ITPR2: variants seen among roughly 807,000 people sequenced by gnomAD.
ITPR2 encodes inositol 1,4,5-trisphosphate receptor type 2.
A neutral mutation model predicts 317.1 loss-of-function variants in ITPR2; 207 were observed. The ratio of observed to expected loss-of-function variants is 0.65; its 90% CI spans 0.58 to 0.73. The LOEUF is 0.73. Ranked by LOEUF, ITPR2 falls within the 30% of genes least tolerant of loss-of-function variation. ITPR2 has a pLI of 0.00. For missense variants in ITPR2, 2,613 were observed against 3,284.0 expected (o/e 0.80, Z 4.99); for synonymous variants, 1,156 against 1,149.1 (o/e 1.01, Z -0.12).
rs1396136112 is a variant in ITPR2, at chr12:26,415,366, G to C, written c.7243C>G (p.Leu2415Val). ...ATAGTGAAGTCATCCTTCAAAAAAA[G>C]GAACCCAATAATGGAAAACAGGTAG... ...LVYLFSIIGFLFLKDDFTMEV... is the reference protein window; with the variant it reads ...LVYLFSIIGFVFLKDDFTMEV... Residue 2415 changes from leucine (L) to valine (V), a missense_variant, in exon 51 of 57, where the codon CTT (leucine) becomes GTT (valine). Physicochemically the swap from Leu to Val is conservative, Grantham distance 32. Around this residue, in one of 9 missense-constraint regions of ITPR2, gnomAD observed 14 missense variants for 48.2 expected, o/e 0.29. Coordinates refer to ENST00000381340, the MANE Select transcript of ITPR2 (RefSeq NM_002223.4). The C allele has an allele frequency of 6.2e-7, 1 of 1,612,046 alleles. No homozygotes were observed. The highest frequency in any genetic ancestry group is 8.5e-7 in the Non-Finnish European group (1 of 1,179,008).
chr12:26,443,589 C>G lies in ITPR2; in HGVS notation c.6404G>C (p.Gly2135Ala). 2 of 1,613,132 alleles carry G rather than the reference C, an allele frequency of 1.2e-6. No individual in the cohort carries two copies. The highest frequency in any genetic ancestry group is 1.7e-5 in the Admixed American group (1 of 59,954). ...GGCATAATACTTTAAGGCTTCATCT[C>G]CTTCATCTGGATCCGATCCTGGTTT... is the stretch of plus-strand genomic sequence containing the variant. ...MLKPGSDPDEGDEALKYYANH... is the reference protein window; with the variant it reads ...MLKPGSDPDEADEALKYYANH... The change falls in exon 46 of 57, where the codon GGA becomes GCA. Residue 2135 changes from glycine (G) to alanine (A), a missense_variant. Gly to Ala is a moderately conservative substitution (Grantham distance 60, BLOSUM62 0). Transcript: ENST00000381340.
chr12:26,806,620 A>C (rs1361881614), intron 1 of ITPR2, among the ~76,000 whole-genome samples: 1 of 152,246 alleles, frequency 6.6e-6, no homozygotes, highest in African/African-American at 2.4e-5. Context: ...TTTCGTTACT[A>C]AACATGAAAA....
intron 36 of ITPR2, among the ~76,000 whole-genome samples, chr12:26,555,550 T>C (rs1018872969): frequency 2.0e-5 from 3 of 152,200 alleles, no homozygotes; most frequent in African/African-American, 7.2e-5. Flanking sequence ...TGCTTATCCT[T>C]GCACATCTCC....
intron 35 of ITPR2, among the ~76,000 whole-genome samples, chr12:26,558,651 T>C (rs1944730268): frequency 6.6e-6 from 1 of 152,218 alleles, no homozygotes; most frequent in Admixed American, 6.5e-5. Context: ...TATTTCTTCA[T>C]CAACTCTTGA....
intron 2 of ITPR2, among the ~76,000 whole-genome samples, chr12:26,782,640 A>G (rs1220659641): frequency 1.4e-5 from 2 of 146,668 alleles, no homozygotes; most frequent in Non-Finnish European, 3.1e-5. Context: ...GAGCTCAGCA[A>G]CTTTAAGATG....
intron 44 of ITPR2, 53 bp downstream of exon 44, chr12:26,476,858 AT>A (rs1391414602): frequency 1.7e-6 from 2 of 1,194,182 alleles, no homozygotes; most frequent in Middle Eastern, 2.0e-4. Flanking sequence ...CATTCTCTAA[AT>A]TTTTTCCTTT....
At chr12:26,492,433 G>A (rs1259591849) in intron 39 of ITPR2, among the ~76,000 whole-genome samples, 1 of 148,342 alleles carries the variant, frequency 6.7e-6, no homozygotes, top group Non-Finnish European at 1.5e-5. Flanking sequence ...GTAATCCTGA[G>A]GATATCTTCT....
chr12:26,346,292 T>C (rs1318463784), intron 55 of ITPR2, among the ~76,000 whole-genome samples: 1 of 152,212 alleles, frequency 6.6e-6, no homozygotes, highest in Non-Finnish European at 1.5e-5. Context: ...AACCTTGTAG[T>C]CATTCAATAA....
intron 16 of ITPR2, 24 bp downstream of exon 16, chr12:26,659,089 A>C: frequency 6.3e-7 from 1 of 1,578,538 alleles, no homozygotes; most frequent in Non-Finnish European, 8.6e-7. Flanking sequence ...ACTAGAAAAG[A>C]ATACCGCATG....
At chr12:26,832,039 C>A (rs1951119788) in intron 1 of ITPR2, among the ~76,000 whole-genome samples, 1 of 151,940 alleles carries the variant, frequency 6.6e-6, no homozygotes, top group Non-Finnish European at 1.5e-5. Context: ...GATAGCAGGT[C>A]TGAGTTCTAG....
chr12:26,560,262 C>T (rs987068536), intron 35 of ITPR2, among the ~76,000 whole-genome samples: 11 of 152,072 alleles, frequency 7.2e-5, no homozygotes, highest in Admixed American at 5.9e-4. Context: ...TTTATGTGGC[C>T]ATTCTGCTAC....
intron 54 of ITPR2, among the ~76,000 whole-genome samples, chr12:26,398,628 A>T (rs1940078667): frequency 6.6e-6 from 1 of 152,246 alleles, no homozygotes; most frequent in South Asian, 2.1e-4. Flanking sequence ...ATTTTGCATC[A>T]CATTTCTATA....
At chr12:26,363,914 A>T (rs1244398018) in intron 55 of ITPR2, among the ~76,000 whole-genome samples, 1 of 152,228 alleles carries the variant, frequency 6.6e-6, no homozygotes, top group Non-Finnish European at 1.5e-5. Context: ...TAAAACAAAG[A>T]AAGACCCAAC....
chr12:26,409,864 G>A (rs945822271), intron 52 of ITPR2, among the ~76,000 whole-genome samples: 2 of 152,108 alleles, frequency 1.3e-5, no homozygotes, highest in Non-Finnish European at 2.9e-5. Context: ...GTCAAATTGC[G>A]ACGACCTGGG....
chr12:26,715,784 A>G lies in ITPR2; in HGVS notation c.676T>C (p.Tyr226His). Residue 226 changes from tyrosine to histidine, a missense_variant, in exon 7 of 57, where the codon TAT (tyrosine) becomes CAT (histidine). Physicochemically the swap from Tyr to His is moderately conservative, Grantham distance 83 (BLOSUM62 2). This residue lies in a region of ITPR2 where 515 missense variants were observed against 789.4 expected (regional missense o/e 0.65). Transcript: ENST00000381340. Reference sequence around the variant, plus strand: ...AATACATCCTCTCGATAGGAACTATATTTCATGAATAAAGTGATTTTCCAG... The same window carrying G: ...AATACATCCTCTCGATAGGAACTATGTTTCATGAATAAAGTGATTTTCCAG... ...TSWKITLFMKYSSYREDVLKG... is the reference protein window; with the variant it reads ...TSWKITLFMKHSSYREDVLKG... 6.2e-7 allele frequency: 1 copy of G among 1,609,656 alleles called. No homozygotes were observed. The highest frequency in any genetic ancestry group is 8.5e-7 in the Non-Finnish European group (1 of 1,176,418).
At chr12:26,628,291 C>T (rs1946670308) in intron 22 of ITPR2, 129 bp from the exon 23 acceptor site, 10 of 602,362 alleles carry the variant, frequency 1.7e-5, no homozygotes, top group Non-Finnish European at 2.5e-5. Context: ...CTTTTAACAC[C>T]AGTTGCCACA....
In ITPR2 at chr12:26,831,176, A is replaced by G. The variant is rs2137316540; in HGVS notation, c.92+1514T>C. ...ACTTGTATCATGAATGATCTCAAAA[A>G]CAGTGGTAGCTCATGATTCACAAAC... On this transcript the variant is annotated intron_variant, in intron 1 of 56. Coordinates refer to ENST00000381340, the MANE Select transcript of ITPR2 (RefSeq NM_002223.4). The surrounding 1 kb of genome is among the most constrained non-coding windows in gnomAD (Gnocchi z 4.9). 6.6e-6 allele frequency among the ~76,000 whole-genome samples: 1 copy of G among 152,344 alleles called. No individual in the cohort carries two copies. The highest frequency in any genetic ancestry group is 2.4e-5 in the African/African-American group (1 of 41,582).
chr12:26,482,863 C>A (rs77401144), intron 42 of ITPR2, among the ~76,000 whole-genome samples: 4,525 of 152,270 alleles, frequency 0.03, 223 homozygotes, highest in African/African-American at 0.1. Context: ...TCACAATTTT[C>A]TATGTCAATC....
intron 37 of ITPR2, among the ~76,000 whole-genome samples, chr12:26,537,591 A>T (rs1944134053): frequency 6.6e-6 from 1 of 152,190 alleles, no homozygotes; most frequent in Admixed American, 6.5e-5. Flanking sequence ...CAGCTATGTG[A>T]TATTAATTAT....
Sources: allele counts gnomAD v4.1 joint callset (sites outside exome capture counted in the v4.1 genomes callset), GRCh38; gene constraint gnomAD v4.1.1; regional missense constraint gnomAD v4.1.1; non-coding constraint Gnocchi (gnomAD v3.1); transcripts MANE v1.5; gene names NCBI Gene and HGNC (gene_info 2026-07-23, HGNC 2026-07-21).